METTL16: variants seen among roughly 807,000 people sequenced by gnomAD.
METTL16 encodes the protein methyltransferase 16, RNA N6-adenosine.
Under a neutral mutation model 57.9 loss-of-function variants are expected in METTL16, and 19 were observed. The observed-to-expected ratio is 0.33, with a 90% CI of 0.23 to 0.48. The LOEUF (loss-of-function observed/expected upper bound fraction) is 0.48, where lower values mean the gene tolerates loss of function less well. Among genes scored for constraint, METTL16 ranks in the 20% least tolerant of loss-of-function variants. The probability of loss-of-function intolerance (pLI) is 0.99; values close to 1 mark genes in which losing one functional copy is unlikely to be tolerated. For synonymous variants in METTL16, 246 were observed against 255.6 expected (o/e 0.96, Z 0.36); for missense variants, 434 against 691.5 (o/e 0.63, Z 4.18).
chr17:2,497,283 G>A (rs574394909), intron 2 of METTL16, among the ~76,000 whole-genome samples: 5 of 149,118 alleles, frequency 3.4e-5, no homozygotes, highest in African/African-American at 1.0e-4. Context: ...TGGGTTTACA[G>A]GCGTGCGCCA....
intron 6 of METTL16, among the ~76,000 whole-genome samples, chr17:2,445,054 G>A (rs900872145): frequency 2.0e-5 from 3 of 152,104 alleles, no homozygotes; most frequent in African/African-American, 7.2e-5. Context: ...GTTTCACCAT[G>A]TTAGCCACAA....
At chr17:2,501,518 C>T (rs972582065) in intron 2 of METTL16, among the ~76,000 whole-genome samples, 1 of 152,136 alleles carries the variant, frequency 6.6e-6, no homozygotes, top group African/African-American at 2.4e-5. Context: ...GTCCTGATGT[C>T]CTGGTTATTA....
Position 2,464,219 on chromosome 17 carries a change from T to C in METTL16, c.717A>G (p.Lys239=). 2 of 1,610,588 alleles carry C rather than the reference T, an allele frequency of 1.2e-6. No homozygotes were observed. The highest frequency in any genetic ancestry group is 1.7e-6 in the Non-Finnish European group (2 of 1,179,018). The part of the protein sequence containing the change: ...KRIIHDSLQL[K]KRLRWYSCML... ...AAAAACAGACTTACCTTAATCTTTT[T>C]TTAAGTTGTAGACTGTCATGGATGA... is the stretch of plus-strand genomic sequence containing the variant. Residue 239 remains lysine (K), a synonymous_variant, in exon 6 of 10, where the codon AAA becomes AAG. Transcript: ENST00000263092.
At position 2,477,847 on chromosome 17, in the gene METTL16, G is replaced by A; in HGVS notation, c.167C>T (p.Thr56Met). The A allele has an allele frequency of 6.2e-7, 1 of 1,613,998 alleles. No homozygotes were observed. The highest frequency in any genetic ancestry group is 8.5e-7 in the Non-Finnish European group (1 of 1,179,914). The change falls in exon 3 of 10, where the codon ACG becomes ATG. Residue 56 changes from threonine (T) to methionine (M), a missense_variant. Transcript: ENST00000263092. ...FKDPEAVRAL[T>M]CTLLREDFGL... ...AAAATCTTCCCTTAGGAGAGTACACGTCAGAGCTCTGACTGCTTCGGGGTC... is the reference window on the plus strand; with the variant it reads ...AAAATCTTCCCTTAGGAGAGTACACATCAGAGCTCTGACTGCTTCGGGGTC...
Position 2,420,851 on chromosome 17 carries a change from G to A in METTL16, c.942C>T (p.Phe314=), listed in dbSNP as rs200996294. 89 of 1,614,192 alleles carry A rather than the reference G, an allele frequency of 5.5e-5. No individual in the cohort carries two copies. The African/African-American group carries it at 1.1e-3, about 20-fold the overall frequency. ...KLEKPRKPIT[F]VVLASVMKEL... ...CCTTCATCACGGACGCCAGCACCACGAATGTTATGGGTTTTCTCGGTTTCT... is the reference window on the plus strand; with the variant it reads ...CCTTCATCACGGACGCCAGCACCACAAATGTTATGGGTTTTCTCGGTTTCT... Residue 314 remains phenylalanine, a synonymous_variant, in exon 9 of 10, where the codon TTC becomes TTT. Transcript: ENST00000263092. This position sits in a 1 kb window ranked among gnomAD's most constrained non-coding sequence, Gnocchi z 5.4.
chr17:2,495,534 A>C (rs1364135960), intron 2 of METTL16, among the ~76,000 whole-genome samples: 1 of 151,356 alleles, frequency 6.6e-6, no homozygotes, highest in Non-Finnish European at 1.5e-5. Flanking sequence ...GTCTCTACTA[A>C]AAATACAAAA....
At chr17:2,447,644 G>A (rs1378367931) in intron 6 of METTL16, among the ~76,000 whole-genome samples, 91 of 118,824 alleles carry the variant, frequency 7.7e-4, no homozygotes, top group African/African-American at 3.1e-3. Context: ...CTGCCCGGCC[G>A]CCCCTACTGG....
intron 2 of METTL16, among the ~76,000 whole-genome samples, chr17:2,496,714 C>A (rs950492769): frequency 5.9e-5 from 9 of 151,588 alleles, no homozygotes; most frequent in African/African-American, 2.0e-4. Flanking sequence ...GAAACCTAAT[C>A]CCCAATGCCA....
At chr17:2,423,264 GTGTGTGTGTGT>G (rs2066781819) in intron 8 of METTL16, among the ~76,000 whole-genome samples, 1 of 54,496 alleles carries the variant, frequency 1.8e-5, no homozygotes, top group African/African-American at 3.5e-4. Flanking sequence ...AACAAAGGGT[GTGTGTGTGTGT>G]GTGTGTGTGT....
At chr17:2,484,246 T>C (rs770962155) in intron 2 of METTL16, among the ~76,000 whole-genome samples, 2 of 152,318 alleles carry the variant, frequency 1.3e-5, no homozygotes, top group African/African-American at 2.4e-5. Flanking sequence ...TTATAAGGAA[T>C]AGCTATTGGT....
chr17:2,435,619 G>C (rs1188447547), intron 8 of METTL16, among the ~76,000 whole-genome samples: 1 of 152,138 alleles, frequency 6.6e-6, no homozygotes. Flanking sequence ...GCTGAAGTGC[G>C]TCTAACAGAA....
intron 5 of METTL16, among the ~76,000 whole-genome samples, chr17:2,466,019 C>G (rs2067192408): frequency 6.6e-6 from 1 of 151,904 alleles, no homozygotes; most frequent in South Asian, 2.1e-4. Flanking sequence ...ATGGCGAAAC[C>G]CCGTCTCTAC....
chr17:2,495,524 G>C (rs145140771), intron 2 of METTL16, among the ~76,000 whole-genome samples: 1 of 151,412 alleles, frequency 6.6e-6, no homozygotes, highest in Admixed American at 6.6e-5. Context: ...GTGAAACACT[G>C]TCTCTACTAA....
chr17:2,448,740 TA>T (rs1417532304), intron 6 of METTL16, among the ~76,000 whole-genome samples: 44 of 30,880 alleles, frequency 1.4e-3, no homozygotes, highest in African/African-American at 5.6e-3. Flanking sequence ...GAATGATCAA[TA>T]AAAAAAAAAA....
intron 2 of METTL16, among the ~76,000 whole-genome samples, chr17:2,482,926 A>T (rs1276782674): frequency 6.6e-6 from 1 of 152,012 alleles, no homozygotes; most frequent in African/African-American, 2.4e-5. Flanking sequence ...TAATAATAAT[A>T]ATAATATTAA....
At chr17:2,455,654 T>C (rs1203931856) in intron 6 of METTL16, among the ~76,000 whole-genome samples, 1 of 152,126 alleles carries the variant, frequency 6.6e-6, no homozygotes, top group Non-Finnish European at 1.5e-5. Flanking sequence ...TGAGTTAAAA[T>C]GATGAAATGC....
rs895901083 is a variant in METTL16, at chr17:2,492,091, G to A, written c.128+10113C>T. ...CCGGGCGTGGTGGCGGGTGCCTGTA[G>A]TCCCAGCTACTCGGGAGGCTGAGGT... On this transcript the variant is annotated intron_variant, in intron 2 of 9. Coordinates refer to ENST00000263092, the MANE Select transcript of METTL16 (RefSeq NM_024086.4). 7.3e-5 allele frequency among the ~76,000 whole-genome samples: 11 copies of A among 150,912 alleles called. No individual in the cohort carries two copies. The East Asian group carries it at 7.8e-4, about 11-fold the overall frequency.
chr17:2,476,508 G>A (rs911365134), intron 3 of METTL16, among the ~76,000 whole-genome samples: 1 of 152,148 alleles, frequency 6.6e-6, no homozygotes, highest in African/African-American at 2.4e-5. Flanking sequence ...CTGGTGTCAT[G>A]GAAGCCAATG....
At chr17:2,489,637 G>T (rs1039956040) in intron 2 of METTL16, among the ~76,000 whole-genome samples, 2 of 149,246 alleles carry the variant, frequency 1.3e-5, no homozygotes, top group African/African-American at 2.5e-5. Flanking sequence ...TACTAAGGAG[G>T]CTGAGGCAGG....
Sources: allele counts gnomAD v4.1 joint callset (sites outside exome capture counted in the v4.1 genomes callset), GRCh38; gene constraint gnomAD v4.1.1; non-coding constraint Gnocchi (gnomAD v3.1); transcripts MANE v1.5; gene names NCBI Gene and HGNC (gene_info 2026-07-23, HGNC 2026-07-21).